Variants in CERS3 observed in about 807,000 individuals in gnomAD.
CERS3 encodes the protein LAG1 homolog, ceramide synthase 3.
A neutral mutation model predicts 50.3 loss-of-function variants in CERS3; 33 were observed. The ratio of observed to expected loss-of-function variants is 0.66; its 90% confidence interval spans 0.50 to 0.88. The LOEUF is 0.88. Among genes scored for constraint, CERS3 ranks in the 40% least tolerant of loss-of-function variants. The probability of loss-of-function intolerance (pLI) is 0.00; values close to 1 mark genes in which losing one functional copy is unlikely to be tolerated. For missense variants in CERS3, 470 were observed against 460.3 expected, an observed-to-expected ratio of 1.02 and a Z score of -0.19; for synonymous variants, 176 against 155.2, an observed-to-expected ratio of 1.13 and a Z score of -0.99.
At chr15:100,479,861 T>C (rs1211576200) in intron 6 of CERS3, 128 bp downstream of exon 6, 4 of 701,298 alleles carry the variant, frequency 5.7e-6, no homozygotes, top group Non-Finnish European at 9.8e-6. Flanking sequence ...GAGACAAATG[T>C]TGAATCTTGA....
intron 3 of CERS3, among the ~76,000 whole-genome samples, chr15:100,498,911 C>G (rs535028459): frequency 6.6e-6 from 1 of 152,208 alleles, no homozygotes; most frequent in South Asian, 2.1e-4. Context: ...TATGTGTGAA[C>G]AAAATATTGC....
At chr15:100,422,977 C>T (rs2142095627) in intron 11 of CERS3, among the ~76,000 whole-genome samples, 1 of 150,544 alleles carries the variant, frequency 6.6e-6, no homozygotes, top group Non-Finnish European at 1.5e-5. Context: ...CGGAGATATA[C>T]CTAATGCTAG....
intron 10 of CERS3, among the ~76,000 whole-genome samples, chr15:100,458,170 T>C (rs1338612915): frequency 6.6e-6 from 1 of 152,220 alleles, no homozygotes; most frequent in African/African-American, 2.4e-5. Context: ...GTTTCAAAAT[T>C]TGTTAATTTA....
chr15:100,489,873 C>A (rs1007545024), intron 4 of CERS3, among the ~76,000 whole-genome samples: 1 of 152,136 alleles, frequency 6.6e-6, no homozygotes, highest in African/African-American at 2.4e-5. Context: ...ATTCTGGACA[C>A]CATATCTCAC....
upstream of CERS3, among the ~76,000 whole-genome samples, chr15:100,530,825 G>A (rs1567687549): frequency 6.6e-6 from 1 of 152,204 alleles, no homozygotes; most frequent in Non-Finnish European, 1.5e-5. Context: ...GCTCACACCT[G>A]TAATCCCAGC....
intron 5 of CERS3, among the ~76,000 whole-genome samples, chr15:100,482,067 T>A (rs1192424204): frequency 6.6e-6 from 1 of 152,194 alleles, no homozygotes; most frequent in Non-Finnish European, 1.5e-5. Context: ...ACACAAATGC[T>A]CTTTGGCATT....
intron 11 of CERS3, among the ~76,000 whole-genome samples, chr15:100,419,024 T>C (rs1217478757): frequency 7.0e-6 from 1 of 143,618 alleles, no homozygotes; most frequent in Non-Finnish European, 1.5e-5. Flanking sequence ...CTGCATCAAC[T>C]AACGAGCAAA....
At chr15:100,414,950 T>C (rs1250626254) in intron 11 of CERS3, among the ~76,000 whole-genome samples, 1 of 151,568 alleles carries the variant, frequency 6.6e-6, no homozygotes, top group Non-Finnish European at 1.5e-5. Context: ...CTAATTAAAC[T>C]AAAGAGCTTC....
intron 1 of CERS3, 32 bp downstream of exon 1, chr15:100,528,781 A>G (rs74642800): frequency 0.025 from 3,827 of 152,408 alleles, 71 homozygotes; most frequent in East Asian, 0.076. Flanking sequence ...AAAGTCCTCA[A>G]ATACTAACCA....
At chr15:100,469,268 C>G in intron 10 of CERS3, 110 bp downstream of exon 10, 2 of 720,376 alleles carry the variant, frequency 2.8e-6, no homozygotes, top group East Asian at 5.0e-5. Context: ...GCACTTGACA[C>G]AAATAACTGG....
At chr15:100,449,326 G>C (rs1309386389) in intron 11 of CERS3, among the ~76,000 whole-genome samples, 1 of 152,224 alleles carries the variant, frequency 6.6e-6, no homozygotes, top group Non-Finnish European at 1.5e-5. Context: ...GGGAGCCAGA[G>C]GATTGTTAAG....
intron 2 of CERS3, among the ~76,000 whole-genome samples, chr15:100,514,975 A>C (rs899541071): frequency 6.6e-6 from 1 of 152,234 alleles, no homozygotes; most frequent in Non-Finnish European, 1.5e-5. Flanking sequence ...CATCTAGCCC[A>C]GCGCTATAGA....
rs74771339 is a variant in CERS3 at position 100,482,611 on chromosome 15, TAA to T, written c.407+1937_407+1938del. ...AATGTGGAATTTGATTTTTTTTTTT[TAA>T]AAAAAAGGGCCCATTATGTATTAAA... On this transcript the variant is annotated intron_variant, in intron 5 of 11. Transcript: ENST00000679737. 2.4e-3 allele frequency among the ~76,000 whole-genome samples: 189 copies of T among 80,012 alleles called. 2 individuals are homozygous for T. The highest frequency in any genetic ancestry group is 0.011 in the Admixed American group (71 of 6,304). The allele number at this position is 80,012 out of a possible 152,430, so 52.5% of individuals were successfully genotyped here.
chr15:100,493,879 T>C (rs2035726140), intron 3 of CERS3, among the ~76,000 whole-genome samples: 1 of 152,090 alleles, frequency 6.6e-6, no homozygotes, highest in Admixed American at 6.5e-5. Context: ...ATGTTCTTGA[T>C]TTGGTGAGAC....
intron 2 of CERS3, among the ~76,000 whole-genome samples, chr15:100,511,146 G>A (rs528370582): frequency 1.6e-4 from 25 of 152,000 alleles, no homozygotes; most frequent in Non-Finnish European, 2.8e-4. Flanking sequence ...AAAATTACCC[G>A]GGCGTGGTGG....
intron 8 of CERS3, among the ~76,000 whole-genome samples, chr15:100,474,691 C>G (rs2035071043): frequency 6.6e-6 from 1 of 152,274 alleles, no homozygotes. Flanking sequence ...GCGTGAGCCT[C>G]TGCGCCCAGC....
At chr15:100,491,897 T>A (rs1394426406) in intron 3 of CERS3, among the ~76,000 whole-genome samples, 3 of 151,858 alleles carry the variant, frequency 2.0e-5, no homozygotes, top group African/African-American at 7.2e-5. Context: ...TGATTTCTTT[T>A]TTTTTTTTTA....
intron 11 of CERS3, 110 bp from the exon 12 acceptor site, chr15:100,402,975 T>C: frequency 9.5e-7 from 1 of 1,053,092 alleles, no homozygotes; most frequent in Non-Finnish European, 1.4e-6. Context: ...AAACCCAATA[T>C]CCAAATAACT....
chr15:100,483,785 TTA>T, intron 5 of CERS3, among the ~76,000 whole-genome samples: 1 of 61,186 alleles, frequency 1.6e-5, no homozygotes, highest in African/African-American at 7.8e-5. Context: ...ATTATTATTA[TTA>T]TTTTTTTTTT....
Sources: gnomAD v4.1 joint callset for allele counts (sites outside exome capture counted in the v4.1 genomes callset) on GRCh38, gnomAD v4.1.1 for gene constraint, MANE v1.5 for transcripts, NCBI Gene and HGNC (gene_info 2026-07-23, HGNC 2026-07-21) for gene names.